Variants in KCNU1 observed in about 807,000 individuals in gnomAD.
KCNU1 encodes the protein potassium calcium-activated channel subfamily U member 1.
In KCNU1, 93 loss-of-function variants were observed where a neutral mutation model predicts 126.8. The ratio of observed to expected loss-of-function variants is 0.73; its 90% confidence interval spans 0.62 to 0.87. The LOEUF (loss-of-function observed/expected upper bound fraction) is 0.87, where lower values mean the gene tolerates loss of function less well. Among genes scored for constraint, KCNU1 ranks in the 40% least tolerant of loss-of-function variants. The pLI is 0.00. For synonymous variants in KCNU1, 523 were observed against 494.2 expected (o/e 1.06, Z -0.77); for missense variants, 1,330 against 1,367.1 (o/e 0.97, Z 0.43).
At chr8:36,797,634 CTT>C (rs201410162) in intron 2 of KCNU1, among the ~76,000 whole-genome samples, 17 of 141,874 alleles carry the variant, frequency 1.2e-4, no homozygotes, top group Admixed American at 3.5e-4. Context: ...AATGTTTCTT[CTT>C]TTTTTTTTTT....
At position 36,834,853 on chromosome 8, in the gene KCNU1, T is replaced by G; in HGVS notation, c.1280T>G (p.Ile427Ser). Residue 427 changes from isoleucine to serine, a missense_variant, in exon 12 of 27, where the codon ATT becomes AGT. By Grantham distance (142) the Ile-to-Ser change is moderately radical. Transcript: ENST00000399881. ...TGCAGTGATTCCCATGCTGAAGATA[T>G]TTCCAACATTATGAGGTAAGAAGCT... ...PLCSDSHAED[I>S]SNIMRVLSIK... 1 of 1,609,562 alleles carries G rather than the reference T, an allele frequency of 6.2e-7. No homozygotes were observed. Among genetic ancestry groups the G allele is most frequent in the Non-Finnish European group, 8.5e-7 (1 of 1,176,830 alleles).
intron 2 of KCNU1, among the ~76,000 whole-genome samples, chr8:36,792,236 A>G (rs978239389): frequency 6.6e-6 from 1 of 152,222 alleles, no homozygotes; most frequent in Non-Finnish European, 1.5e-5. Flanking sequence ...TCTCAGCAAC[A>G]TTGTCAGATT....
At chr8:36,878,523 A>G (rs1024550645) in intron 19 of KCNU1, among the ~76,000 whole-genome samples, 23 of 152,148 alleles carry the variant, frequency 1.5e-4, no homozygotes, top group African/African-American at 5.6e-4. Flanking sequence ...TTCTCATGAC[A>G]AGAAGAGAGT....
At chr8:36,872,118 G>A (rs1806124692) in intron 19 of KCNU1, among the ~76,000 whole-genome samples, 1 of 152,032 alleles carries the variant, frequency 6.6e-6, no homozygotes, top group African/African-American at 2.4e-5. Flanking sequence ...CTTTCTCAGG[G>A]GCTCACAGTC....
At chr8:36,811,340 C>T (rs942698028) in intron 7 of KCNU1, among the ~76,000 whole-genome samples, 4 of 151,922 alleles carry the variant, frequency 2.6e-5, no homozygotes, top group East Asian at 1.9e-4. Context: ...GGAGCAGTTA[C>T]GGACGTCCTG....
chr8:36,869,562 G>A (rs1329697105), intron 19 of KCNU1, among the ~76,000 whole-genome samples: 1 of 151,818 alleles, frequency 6.6e-6, no homozygotes, highest in East Asian at 1.9e-4. Context: ...GTTCTTTCAA[G>A]GATAAGTGGT....
At chr8:36,882,447 T>G (rs1806521875) in intron 19 of KCNU1, among the ~76,000 whole-genome samples, 1 of 152,220 alleles carries the variant, frequency 6.6e-6, no homozygotes, top group South Asian at 2.1e-4. Flanking sequence ...AGAATTTCTG[T>G]ATTCCTGTGA....
intron 5 of KCNU1, 31 bp downstream of exon 5, chr8:36,806,411 T>G: frequency 9.1e-7 from 1 of 1,100,560 alleles, no homozygotes; most frequent in Non-Finnish European, 1.3e-6. Context: ...GGTAGCAATA[T>G]CTATGAATAA....
chr8:36,867,281 G>T (rs906225736), intron 19 of KCNU1, among the ~76,000 whole-genome samples: 1 of 152,092 alleles, frequency 6.6e-6, no homozygotes, highest in Non-Finnish European at 1.5e-5. Flanking sequence ...TAGAAAGGTG[G>T]GAGACAGTGG....
At chr8:36,870,451 T>C (rs574166142) in intron 19 of KCNU1, among the ~76,000 whole-genome samples, 2 of 152,310 alleles carry the variant, frequency 1.3e-5, no homozygotes, top group East Asian at 3.9e-4. Context: ...CTCAGTTCTG[T>C]ACACTTTATC....
chr8:36,792,446 A>T (rs1304178955), intron 2 of KCNU1, among the ~76,000 whole-genome samples: 2 of 152,220 alleles, frequency 1.3e-5, no homozygotes, highest in Non-Finnish European at 2.9e-5. Context: ...TCAAATAGGG[A>T]TAGACCCTGC....
chr8:36,923,548 G>A (rs951970635), intron 24 of KCNU1, among the ~76,000 whole-genome samples: 1 of 152,100 alleles, frequency 6.6e-6, no homozygotes, highest in Non-Finnish European at 1.5e-5. Context: ...TAGATAATTG[G>A]TGCTGCGAAG....
chr8:36,929,360 G>A lies in KCNU1; in HGVS notation c.2737-1591G>A, dbSNP rs1270552902. The stretch of plus-strand genomic sequence containing the variant: ...GATTGTGCCACTGCACTCTAGCCTA[G>A]ACAACAAACAGAGTGAGACCCTGTC... On this transcript the variant is annotated intron_variant, in intron 24 of 26. Transcript: ENST00000399881. Among the ~76,000 whole-genome samples, 3 of 121,950 alleles carry A rather than the reference G, an allele frequency of 2.5e-5. No individual in the cohort carries two copies. In the Admixed American group the frequency reaches 3.1e-4, roughly 13 times the overall value. 80.0% of individuals were successfully genotyped at this position (121,950 alleles called of 152,430 possible).
chr8:36,874,826 G>A (rs935496300), intron 19 of KCNU1, among the ~76,000 whole-genome samples: 5 of 151,932 alleles, frequency 3.3e-5, no homozygotes, highest in African/African-American at 1.2e-4. Flanking sequence ...CTTTCTTACC[G>A]AGAGAAGGTT....
At chr8:36,788,215 C>G (rs1178180519) in intron 2 of KCNU1, among the ~76,000 whole-genome samples, 1 of 152,072 alleles carries the variant, frequency 6.6e-6, no homozygotes, top group Non-Finnish European at 1.5e-5. Context: ...TCGGGGCATC[C>G]TAACCTTACC....
chr8:36,891,336 A>G (rs1002647226), intron 19 of KCNU1, among the ~76,000 whole-genome samples: 4 of 152,026 alleles, frequency 2.6e-5, no homozygotes, highest in African/African-American at 4.8e-5. Context: ...GCCCAACTTT[A>G]TGCTATGATT....
chr8:36,815,532 G>C (rs1198147837), intron 8 of KCNU1, 64 bp from the exon 9 acceptor site: 5 of 794,394 alleles, frequency 6.3e-6, no homozygotes, highest in Non-Finnish European at 1.0e-5. Context: ...TTCTAATCTT[G>C]AAATTTTTGG....
chr8:36,789,275 G>A (rs1252230966), intron 2 of KCNU1, among the ~76,000 whole-genome samples: 1 of 152,068 alleles, frequency 6.6e-6, no homozygotes, highest in East Asian at 1.9e-4. Flanking sequence ...AGGATCGCTT[G>A]AGCCCAGGTG....
rs566878170 is a variant in KCNU1 at position 36,846,935 on chromosome 8, C to T, written c.1891+1036C>T. Among the ~76,000 whole-genome samples the T allele has an allele frequency of 7.9e-5, 12 of 151,486 alleles. 1 individual carries two copies. The highest frequency in any genetic ancestry group is 2.9e-4 in the African/African-American group (12 of 41,134). ...TCATCCCTGAGGTTCTTGTTCTCTC[C>T]TTCTTCTCAGAATGCTATTTAAATG... On this transcript the variant is annotated intron_variant, in intron 18 of 26. Coordinates refer to ENST00000399881, the MANE Select transcript of KCNU1 (RefSeq NM_001031836.3).
Sources: allele counts gnomAD v4.1 joint callset (sites outside exome capture counted in the v4.1 genomes callset), GRCh38; gene constraint gnomAD v4.1.1; transcripts MANE v1.5; gene names NCBI Gene and HGNC (gene_info 2026-07-23, HGNC 2026-07-21).